Variants in VMA22 observed in about 807,000 individuals in gnomAD.
VMA22 encodes vacuolar ATPase assembly protein VMA22.
chr2:130,342,034 A>C, the VMA22 span: 1 of 1,613,816 alleles, frequency 6.2e-7, no homozygotes, highest in Non-Finnish European at 8.5e-7. Context: ...CCGGGCGTTC[A>C]ACACCGTTCG....
the VMA22 span, chr2:130,339,839 C>T: frequency 2.4e-6 from 3 of 1,273,248 alleles, no homozygotes; most frequent in Non-Finnish European, 3.1e-6. Context: ...CCATACTCCC[C>T]AGGCCCTCTG....
chr2:130,340,013 G>A, the VMA22 span: 5 of 334,882 alleles, frequency 1.5e-5, no homozygotes, highest in South Asian at 1.1e-4. Context: ...CCAGCAGGGC[G>A]TCGGTGGATA....
chr2:130,341,008 G>A, the VMA22 span: 4 of 1,612,270 alleles, frequency 2.5e-6, no homozygotes, highest in East Asian at 6.7e-5. Flanking sequence ...CCGGTTCTGG[G>A]GTCTTAGTGG....
chr2:130,339,448 T>TC, the VMA22 span: 5 of 1,414,832 alleles, frequency 3.5e-6, no homozygotes, highest in African/African-American at 1.4e-5. Context: ...TCCTTAGACT[T>TC]CCTGGACCCA....
the VMA22 span, chr2:130,340,860 G>A: frequency 1.2e-6 from 2 of 1,611,326 alleles, no homozygotes; most frequent in African/African-American, 2.7e-5. Context: ...TGTTCCCTGT[G>A]GATAGAGGGT....
At chr2:130,342,128 A>T in the VMA22 span, 6 of 1,613,226 alleles carry the variant, frequency 3.7e-6, no homozygotes, top group Non-Finnish European at 5.1e-6. Context: ...GCCGCCATGG[A>T]CACACCTCCA....
chr2:130,340,863 T>C, the VMA22 span: 1 of 1,612,220 alleles, frequency 6.2e-7, no homozygotes. Context: ...TCCCTGTGGA[T>C]AGAGGGTCTG....
chr2:130,341,553 T>C, the VMA22 span: 10 of 868,646 alleles, frequency 1.2e-5, no homozygotes, highest in Admixed American at 2.4e-4. Flanking sequence ...CATTCTGTTC[T>C]TCTGCTCTGG....
At chr2:130,342,435 G>C in the VMA22 span, 344 of 559,946 alleles carry the variant, frequency 6.1e-4, 3 homozygotes, top group East Asian at 8.9e-3. Flanking sequence ...TCGCGCCACT[G>C]TTGTGGCGAT....
At chr2:130,341,102 C>T in the VMA22 span, 2 of 1,484,900 alleles carry the variant, frequency 1.3e-6, no homozygotes, top group Middle Eastern at 1.9e-4. Flanking sequence ...ATCTTGGTGA[C>T]AATGTTGAGC....
the VMA22 span, chr2:130,340,821 T>C: frequency 6.5e-7 from 1 of 1,528,168 alleles, no homozygotes; most frequent in Non-Finnish European, 9.1e-7. Context: ...TTTCACAGAC[T>C]AACCCCAGCC....
the VMA22 span, chr2:130,339,280 C>T: frequency 6.5e-6 from 10 of 1,535,584 alleles, no homozygotes; most frequent in Non-Finnish European, 6.3e-6. Flanking sequence ...GTGTAACACA[C>T]GACCCAGGAG....
chr2:130,342,659 C>T, the VMA22 span: 73 of 507,504 alleles, frequency 1.4e-4, no homozygotes, highest in East Asian at 2.0e-3. Flanking sequence ...ATGGAGAAGC[C>T]TGGGCGGACA....
At chr2:130,339,134 G>A in the VMA22 span, 10 of 1,613,734 alleles carry the variant, frequency 6.2e-6, no homozygotes, top group South Asian at 9.9e-5. Flanking sequence ...GCAGCCCCAG[G>A]CTCCAGCTGC....
the VMA22 span, chr2:130,341,165 T>C: frequency 3.3e-6 from 4 of 1,199,214 alleles, no homozygotes; most frequent in Non-Finnish European, 4.5e-6. Flanking sequence ...AATTCCAACT[T>C]TGGGGTTCCA....
At chr2:130,342,412 C>G in the VMA22 span, 1 of 565,860 alleles carries the variant, frequency 1.8e-6, no homozygotes, top group South Asian at 2.5e-5. Context: ...CGGAAGCTGC[C>G]GAATCTTAGA....
chr2:130,342,102 C>T, the VMA22 span: 3 of 1,613,754 alleles, frequency 1.9e-6, no homozygotes, highest in Non-Finnish European at 2.5e-6. Flanking sequence ...AATCCAGCTC[C>T]GCTCGCAGGT....
the VMA22 span, chr2:130,338,199 C>T: frequency 6.6e-6 from 1 of 152,182 alleles, no homozygotes; most frequent in East Asian, 1.9e-4. Flanking sequence ...CAGCTGGATA[C>T]ATTCAACTGT....
At chr2:130,338,152 C>T in the VMA22 span, 52 of 152,222 alleles carry the variant, frequency 3.4e-4, no homozygotes, top group African/African-American at 1.1e-3. Flanking sequence ...TCCCTGATTG[C>T]CTTATCAGTT....
Sources: gnomAD v4.1 joint callset for allele counts on GRCh38, gnomAD v4.1.1 for gene constraint, MANE v1.5 for transcripts, NCBI Gene and HGNC (gene_info 2026-07-23, HGNC 2026-07-21) for gene names.